The following SENP2 variants were observed in gnomAD, a reference collection of about 807,000 sequenced individuals.
SENP2 encodes sentrin-specific protease 2.
In SENP2, 16 loss-of-function variants were observed where a neutral mutation model predicts 86.3. That is an observed-to-expected ratio of 0.19 (90% confidence interval 0.13 to 0.28). The LOEUF is 0.28. SENP2 is among the 10% of genes least tolerant of loss of function. The probability of loss-of-function intolerance (pLI) is 1.00; values close to 1 mark genes in which losing one functional copy is unlikely to be tolerated. For synonymous variants in SENP2, 222 were observed against 238.7 expected (o/e 0.93, Z 0.64); for missense variants, 552 against 703.0 (o/e 0.79, Z 2.43).
chr3:185,629,887 C>G lies in SENP2; in HGVS notation c.*43C>G. 1 of 1,580,450 alleles carries G rather than the reference C, an allele frequency of 6.3e-7. No homozygotes were observed. The highest frequency in any genetic ancestry group is 8.7e-7 in the Non-Finnish European group (1 of 1,149,672). On this transcript the variant is annotated 3_prime_UTR_variant, in exon 17 of 17. Transcript: ENST00000296257. ...CCTCTAGCTGCTGGTGGTTCTTTCA[C>G]AGACATTTCCATATACCTCATGCAT...
At chr3:185,591,144 A>G (rs966304211) in intron 2 of SENP2, among the ~76,000 whole-genome samples, 52 of 150,896 alleles carry the variant, frequency 3.4e-4, no homozygotes, top group African/African-American at 1.2e-3. Context: ...TGACCTCGTG[A>G]TCTGCCCGCC....
At chr3:185,616,711 C>A (rs111334715) in intron 11 of SENP2, among the ~76,000 whole-genome samples, 1 of 148,052 alleles carries the variant, frequency 6.8e-6, no homozygotes. Flanking sequence ...GGAGGCGGAG[C>A]TTGCAGTAAG....
In SENP2 at chr3:185,632,691, A is replaced by AT. The variant is rs1254954755; in HGVS notation, c.*2851dup. ...AGGCATGTGCCACCACCCCTGGCTAATTTTGTATTTTTAGTGGAGACGGGG... is the reference window on the plus strand; with the variant it reads ...AGGCATGTGCCACCACCCCTGGCTAATTTTTGTATTTTTAGTGGAGACGGGG... On this transcript the variant is annotated 3_prime_UTR_variant, in exon 17 of 17. Transcript: ENST00000296257. 6.8e-6 allele frequency: 1 copy of AT among 146,636 alleles called. No homozygotes were observed. Among genetic ancestry groups the AT allele is most frequent in the Non-Finnish European group, 1.5e-5 (1 of 66,610 alleles). The allele number at this position is 146,636 out of a possible 1,614,324, so 9.1% of individuals were successfully genotyped here.
At chr3:185,614,785 T>C in intron 11 of SENP2, 45 bp downstream of exon 11, 1 of 1,562,392 alleles carries the variant, frequency 6.4e-7, no homozygotes, top group South Asian at 1.1e-5. Context: ...TGTCTTTAAA[T>C]AACCTCAGTT....
At chr3:185,603,803 T>C (rs748996128) in intron 5 of SENP2, among the ~76,000 whole-genome samples, 2 of 152,206 alleles carry the variant, frequency 1.3e-5, no homozygotes, top group South Asian at 2.1e-4. Context: ...TTTTGAAATG[T>C]TGGTTTTCAT....
chr3:185,615,820 G>C (rs1329008498), intron 11 of SENP2, among the ~76,000 whole-genome samples: 1 of 152,084 alleles, frequency 6.6e-6, no homozygotes, highest in Admixed American at 6.6e-5. Flanking sequence ...TGTCAAAAAG[G>C]ATGGTGTGAC....
intron 1 of SENP2, 56 bp from the exon 2 acceptor site, chr3:185,590,058 G>C (rs1721924109): frequency 5.1e-6 from 5 of 989,554 alleles, no homozygotes; most frequent in Non-Finnish European, 5.9e-6. Context: ...TTTACTTACA[G>C]AAATGAATGT....
chr3:185,619,548 C>T, intron 13 of SENP2, 46 bp downstream of exon 13: 1 of 1,529,314 alleles, frequency 6.5e-7, no homozygotes, highest in Non-Finnish European at 9.0e-7. Context: ...TGGATAAAGG[C>T]CATTTTTTAA....
intron 16 of SENP2, among the ~76,000 whole-genome samples, chr3:185,627,699 C>T (rs1712216727): frequency 6.6e-6 from 1 of 152,108 alleles, no homozygotes; most frequent in Admixed American, 6.6e-5. Context: ...GCGTGAGCCA[C>T]CGCGCCTGGC....
At chr3:185,619,151 T>C (rs564973517) in intron 12 of SENP2, 148 bp from the exon 13 acceptor site, 44 of 628,506 alleles carry the variant, frequency 7.0e-5, no homozygotes, top group Non-Finnish European at 1.1e-4. Context: ...TTTGCACTGA[T>C]CACTTTTTTC....
In SENP2 at chr3:185,617,572, T is replaced by C; in HGVS notation, c.1203T>C (p.Asp401=). The C allele has an allele frequency of 6.2e-7, 1 of 1,613,700 alleles. No homozygotes were observed. The highest frequency in any genetic ancestry group is 1.3e-5 in the African/African-American group (1 of 75,038). The change falls in exon 12 of 17, where the codon GAT becomes GAC. Residue 401 remains aspartate (D), a synonymous_variant. Coordinates refer to ENST00000296257, the MANE Select transcript of SENP2 (RefSeq NM_021627.3). ...TCAAATTGCGAATTACTCGAGGAGA[T>C]ATTCAGACATTAAAGAACTATCACT... ...SAFKLRITRG[D]IQTLKNYHWL... is the part of the protein sequence containing the mutation.
At chr3:185,607,316 A>ATTT (rs1577729126) in intron 6 of SENP2, among the ~76,000 whole-genome samples, 9 of 95,748 alleles carry the variant, frequency 9.4e-5, no homozygotes, top group South Asian at 8.6e-4. Flanking sequence ...ATAAGATTAG[A>ATTT]TTCTTTTTTT....
chr3:185,621,024 T>C (rs899273917), intron 13 of SENP2, among the ~76,000 whole-genome samples: 78 of 151,088 alleles, frequency 5.2e-4, no homozygotes, highest in African/African-American at 1.8e-3. Context: ...TGGTCCCAGC[T>C]TTGTGGGCAT....
intron 12 of SENP2, among the ~76,000 whole-genome samples, chr3:185,618,607 G>A (rs1478081139): frequency 6.6e-6 from 1 of 152,100 alleles, no homozygotes; most frequent in Non-Finnish European, 1.5e-5. Flanking sequence ...GGCCGGGCGC[G>A]GTGGCTCACG....
At chr3:185,615,687 A>G (rs1355270496) in intron 11 of SENP2, among the ~76,000 whole-genome samples, 1 of 152,164 alleles carries the variant, frequency 6.6e-6, no homozygotes, top group Non-Finnish European at 1.5e-5. Context: ...TTAGTTTTGT[A>G]TCTTAAATAA....
At chr3:185,598,049 G>A (rs1374663273) in intron 2 of SENP2, among the ~76,000 whole-genome samples, 1 of 152,126 alleles carries the variant, frequency 6.6e-6, no homozygotes, top group Non-Finnish European at 1.5e-5. Context: ...GTCTCACTCT[G>A]TTGCCCAGGC....
rs192562675 is a variant in SENP2 at position 185,596,006 on chromosome 3, C to T, written c.158-2406C>T. 1.4e-4 allele frequency among the ~76,000 whole-genome samples: 21 copies of T among 152,116 alleles called. No individual in the cohort carries two copies. In the East Asian group the frequency reaches 4.1e-3, roughly 29 times the overall value. ...TTTGAGATGGAGTCTCACGCTGTTG[C>T]CCAGACTGGAGTACAGTGGTGCCAT... On this transcript the variant is annotated intron_variant, in intron 2 of 16. Transcript: ENST00000296257.
At chr3:185,618,655 G>T (rs901489038) in intron 12 of SENP2, among the ~76,000 whole-genome samples, 34 of 152,158 alleles carry the variant, frequency 2.2e-4, no homozygotes, top group African/African-American at 7.7e-4. Context: ...GAGGCGGGCG[G>T]ATCACGAGGT....
At chr3:185,589,982 A>G in intron 1 of SENP2, 132 bp from the exon 2 acceptor site, 1 of 485,022 alleles carries the variant, frequency 2.1e-6, no homozygotes, top group Non-Finnish European at 3.5e-6. Flanking sequence ...TTCTCTTTTA[A>G]AACATCAGTT....
Sources: gnomAD v4.1 joint callset for allele counts (sites outside exome capture counted in the v4.1 genomes callset) on GRCh38, gnomAD v4.1.1 for gene constraint, MANE v1.5 for transcripts, NCBI Gene and HGNC (gene_info 2026-07-23, HGNC 2026-07-21) for gene names.